The following RALA variants were observed in gnomAD, a reference collection of about 807,000 sequenced individuals.
RALA encodes the protein ras-related protein Ral-A.
In RALA, 5 loss-of-function variants were observed where a neutral mutation model predicts 24.0. The observed-to-expected ratio is 0.21, with a 90% confidence interval of 0.11 to 0.44. RALA has a LOEUF of 0.44. Ranked by LOEUF, RALA falls within the 20% of genes least tolerant of loss-of-function variation. The pLI is 0.99. For missense variants in RALA, 95 were observed against 241.2 expected (o/e 0.39, Z 4.01); for synonymous variants, 77 against 83.8 (o/e 0.92, Z 0.44).
At chr7:39,697,948 A>AGTGTGTGTGT (rs370929636) in intron 4 of RALA, among the ~76,000 whole-genome samples, 59 of 148,888 alleles carry the variant, frequency 4.0e-4, no homozygotes, top group Admixed American at 6.0e-4. Flanking sequence ...GACTAGGGCA[A>AGTGTGTGTGT]GTGTGTGTGT....
Position 39,690,414 on chromosome 7 carries a change from C to T in RALA, c.147C>T (p.Asp49=), listed in dbSNP as rs750171652. 1.2e-6 allele frequency: 2 copies of T among 1,613,890 alleles called. No homozygotes were observed. Among genetic ancestry groups the T allele is most frequent in the Non-Finnish European group, 1.7e-6 (2 of 1,179,940 alleles). The change falls in exon 3 of 5, where the codon GAC becomes GAT. Residue 49 remains aspartate (D), a synonymous_variant. Transcript: ENST00000005257. The part of the protein sequence containing the change: ...FVEDYEPTKA[D]SYRKKVVLDG... The stretch of plus-strand genomic sequence containing the variant: ...AGGACTATGAGCCTACCAAAGCAGA[C>T]AGCTATCGGAAGAAGGTAGTGCTAG...
chr7:39,650,535 C>T (rs911700021), intron 1 of RALA, among the ~76,000 whole-genome samples: 1 of 151,606 alleles, frequency 6.6e-6, no homozygotes, highest in African/African-American at 2.4e-5. Flanking sequence ...AGTAAGACCC[C>T]TTTTCTGGTT....
chr7:39,675,783 T>C (rs1792476808), intron 1 of RALA, among the ~76,000 whole-genome samples: 1 of 151,762 alleles, frequency 6.6e-6, no homozygotes, highest in East Asian at 1.9e-4. Context: ...CTTTTCTTGG[T>C]CATGTATATT....
chr7:39,628,636 G>T (rs577983203), intron 1 of RALA, among the ~76,000 whole-genome samples: 6 of 152,030 alleles, frequency 3.9e-5, no homozygotes, highest in Non-Finnish European at 5.9e-5. Flanking sequence ...GCTCACTGCC[G>T]CCTCCACCTC....
chr7:39,639,987 T>A (rs940311172), intron 1 of RALA, among the ~76,000 whole-genome samples: 4 of 145,670 alleles, frequency 2.7e-5, no homozygotes, highest in Non-Finnish European at 5.9e-5. Context: ...GTAGTCTTTT[T>A]TGACGTTAGT....
chr7:39,637,693 T>C (rs961295315), intron 1 of RALA, among the ~76,000 whole-genome samples: 3 of 152,204 alleles, frequency 2.0e-5, no homozygotes, highest in Non-Finnish European at 4.4e-5. Flanking sequence ...TTTGGTTAGG[T>C]TTCAAATGAG....
intron 2 of RALA, among the ~76,000 whole-genome samples, chr7:39,688,048 AC>A (rs1792739738): frequency 6.6e-6 from 1 of 151,392 alleles, no homozygotes; most frequent in Non-Finnish European, 1.5e-5. Context: ...AGTGCACCCA[AC>A]CCCCCATGTC....
chr7:39,628,771 G>A (rs1791542890), intron 1 of RALA, among the ~76,000 whole-genome samples: 2 of 151,852 alleles, frequency 1.3e-5, no homozygotes, highest in Non-Finnish European at 2.9e-5. Flanking sequence ...TGGCCAGGCT[G>A]GTCTCGAACT....
chr7:39,653,050 G>T (rs987865152), intron 1 of RALA, among the ~76,000 whole-genome samples: 1 of 147,568 alleles, frequency 6.8e-6, no homozygotes. Flanking sequence ...TATTTTTTGA[G>T]ACGGAGTCTC....
At chr7:39,629,817 G>A (rs142221165) in intron 1 of RALA, among the ~76,000 whole-genome samples, 1 of 151,944 alleles carries the variant, frequency 6.6e-6, no homozygotes, top group East Asian at 1.9e-4. Context: ...GGATGGTCTC[G>A]ATCTCCTGAC....
chr7:39,628,738 G>T (rs1328318627), intron 1 of RALA, among the ~76,000 whole-genome samples: 1 of 152,052 alleles, frequency 6.6e-6, no homozygotes, highest in Middle Eastern at 3.4e-3. Flanking sequence ...TGTATTTTTA[G>T]TAGAGACGGG....
intron 1 of RALA, among the ~76,000 whole-genome samples, chr7:39,633,064 G>A (rs1791623842): frequency 6.6e-6 from 1 of 152,086 alleles, no homozygotes; most frequent in African/African-American, 2.4e-5. Context: ...TTCCCTTCTA[G>A]GCTAAAGCTG....
chr7:39,642,120 G>T (rs1232943923), intron 1 of RALA, among the ~76,000 whole-genome samples: 3 of 152,134 alleles, frequency 2.0e-5, no homozygotes, highest in Non-Finnish European at 2.9e-5. Context: ...GACAACCGCT[G>T]TAACAAAAGG....
chr7:39,686,677 A>C lies in RALA; in HGVS notation c.10A>C (p.Asn4His). The change falls in exon 2 of 5, where the codon AAT (asparagine) becomes CAT (histidine). Residue 4 changes from asparagine (N) to histidine (H), a missense_variant. By Grantham distance (68) the Asn-to-His change is moderately conservative (BLOSUM62 1). Transcript: ENST00000005257. ...AAAACTGAGACACAAAATGGCTGCA[A>C]ATAAGCCCAAGGGTCAGAATTCTTT... MAA[N>H]KPKGQNSLAL... The C allele has an allele frequency of 1.2e-6, 2 of 1,614,058 alleles. No homozygotes were observed. Among genetic ancestry groups the C allele is most frequent in the Non-Finnish European group, 1.7e-6 (2 of 1,179,918 alleles).
At chr7:39,690,660 C>T (rs1792799900) in intron 3 of RALA, 70 bp downstream of exon 3, 3 of 1,229,778 alleles carry the variant, frequency 2.4e-6, no homozygotes, top group Non-Finnish European at 3.4e-6. Flanking sequence ...AACAAGTAGA[C>T]AACTAGAGGT....
chr7:39,684,807 G>A (rs929082636), intron 1 of RALA, among the ~76,000 whole-genome samples: 8 of 151,790 alleles, frequency 5.3e-5, no homozygotes, highest in Admixed American at 2.6e-4. Context: ...TGTGGCCCAC[G>A]GGCCACAGGT....
intron 1 of RALA, among the ~76,000 whole-genome samples, chr7:39,674,531 T>A (rs1792445448): frequency 6.6e-6 from 1 of 152,220 alleles, no homozygotes; most frequent in South Asian, 2.1e-4. Context: ...CCAATCATTC[T>A]ATTTTGTCTT....
intron 1 of RALA, among the ~76,000 whole-genome samples, chr7:39,661,016 G>A (rs1029606078): frequency 2.0e-5 from 3 of 152,166 alleles, no homozygotes; most frequent in African/African-American, 7.2e-5. Flanking sequence ...CACAATCATG[G>A]CAGAAGGTGA....
intron 1 of RALA, among the ~76,000 whole-genome samples, chr7:39,659,764 A>G (rs1020749249): frequency 1.3e-5 from 2 of 152,216 alleles, no homozygotes; most frequent in African/African-American, 4.8e-5. Context: ...GGAGTACTAA[A>G]GCCCAGAAAA....
Sources: allele counts gnomAD v4.1 joint callset (sites outside exome capture counted in the v4.1 genomes callset), GRCh38; gene constraint gnomAD v4.1.1; transcripts MANE v1.5; gene names NCBI Gene and HGNC (gene_info 2026-07-23, HGNC 2026-07-21).